Variants in MYRIP observed in about 807,000 individuals in gnomAD.
MYRIP encodes rab effector MyRIP.
MYRIP carries 49 observed loss-of-function variants against 98.0 expected under a neutral mutation model. That is an observed-to-expected ratio of 0.50 (90% CI 0.40 to 0.63). The LOEUF is 0.63. Among genes scored for constraint, MYRIP ranks in the 30% least tolerant of loss-of-function variants. MYRIP has a pLI of 0.00. For synonymous variants in MYRIP, 404 were observed against 409.5 expected, an observed-to-expected ratio of 0.99 and a Z score of 0.16; for missense variants, 1,004 against 1,058.2, an observed-to-expected ratio of 0.95 and a Z score of 0.71.
chr3:40,233,007 C>T (rs1025567357), intron 11 of MYRIP: 1 of 152,250 alleles, frequency 6.6e-6, no homozygotes, highest in Non-Finnish European at 1.5e-5. Context: ...TGCCCCATCT[C>T]ACTTGGAGGT....
intron 2 of MYRIP, among the ~76,000 whole-genome samples, chr3:39,918,655 A>C (rs1299967346): frequency 6.6e-6 from 1 of 152,242 alleles, no homozygotes; most frequent in Non-Finnish European, 1.5e-5. Flanking sequence ...CAAATTTATT[A>C]ATGTGCATGA....
At chr3:39,986,453 T>C (rs997298473) in intron 2 of MYRIP, among the ~76,000 whole-genome samples, 5 of 135,242 alleles carry the variant, frequency 3.7e-5, no homozygotes, top group African/African-American at 1.7e-4. Flanking sequence ...CCTCTCTCTC[T>C]CCCTCTCTCT....
chr3:39,827,385 T>G (rs1399120230), intron 1 of MYRIP, among the ~76,000 whole-genome samples: 1 of 152,208 alleles, frequency 6.6e-6, no homozygotes, highest in African/African-American at 2.4e-5. Context: ...AATACTCAGT[T>G]TATAGGCGTG....
intron 2 of MYRIP, among the ~76,000 whole-genome samples, chr3:39,996,502 A>G (rs539266945): frequency 6.6e-6 from 1 of 152,334 alleles, no homozygotes; most frequent in East Asian, 1.9e-4. Flanking sequence ...ATATATATGC[A>G]CCCAATACAG....
chr3:39,966,682 C>A (rs964254499), intron 2 of MYRIP, among the ~76,000 whole-genome samples: 1 of 152,092 alleles, frequency 6.6e-6, no homozygotes, highest in Non-Finnish European at 1.5e-5. Flanking sequence ...AAGAGAATGC[C>A]GAGGACGGAG....
intron 12 of MYRIP, among the ~76,000 whole-genome samples, chr3:40,234,391 T>C (rs1445300581): frequency 6.6e-6 from 1 of 152,176 alleles, no homozygotes; most frequent in Non-Finnish European, 1.5e-5. Flanking sequence ...GAGTAGAAGT[T>C]GCATCTCAGA....
chr3:40,120,055 A>G (rs1949367639), intron 3 of MYRIP, among the ~76,000 whole-genome samples: 1 of 152,228 alleles, frequency 6.6e-6, no homozygotes, highest in African/African-American at 2.4e-5. Flanking sequence ...GAGGACTAAA[A>G]GGACCCAGCT....
At chr3:40,178,023 C>A (rs1430222951) in intron 8 of MYRIP, among the ~76,000 whole-genome samples, 2 of 152,142 alleles carry the variant, frequency 1.3e-5, no homozygotes, top group Non-Finnish European at 2.9e-5. Context: ...TTACATCTGA[C>A]CCTAAAAACA....
At chr3:40,080,738 A>G (rs1396844005) in intron 3 of MYRIP, among the ~76,000 whole-genome samples, 1 of 144,130 alleles carries the variant, frequency 6.9e-6, no homozygotes, top group Non-Finnish European at 1.5e-5. Flanking sequence ...CAAAAAACCA[A>G]TTTCTGACTT....
At chr3:40,210,492 C>T (rs979662117) in intron 11 of MYRIP, among the ~76,000 whole-genome samples, 1 of 152,152 alleles carries the variant, frequency 6.6e-6, no homozygotes, top group Non-Finnish European at 1.5e-5. Flanking sequence ...TAGCCAACCC[C>T]TCTTTTAATC....
At chr3:39,841,707 C>T (rs1160242297) in intron 1 of MYRIP, among the ~76,000 whole-genome samples, 2 of 152,178 alleles carry the variant, frequency 1.3e-5, no homozygotes, top group Non-Finnish European at 2.9e-5. Flanking sequence ...TTCTAATAGG[C>T]AGGTCCCTCT....
chr3:40,035,368 T>C (rs1398537822), intron 2 of MYRIP, among the ~76,000 whole-genome samples: 1 of 152,006 alleles, frequency 6.6e-6, no homozygotes, highest in Non-Finnish European at 1.5e-5. Flanking sequence ...TGTGAAGCTG[T>C]TCTAGAATTG....
At chr3:40,255,138 G>T (rs7613342) in intron 16 of MYRIP, among the ~76,000 whole-genome samples, 7,792 of 152,214 alleles carry the variant, frequency 0.051, 224 homozygotes, top group African/African-American at 0.066. Flanking sequence ...CTGACCATTA[G>T]TTCACAGAGC....
intron 2 of MYRIP, among the ~76,000 whole-genome samples, chr3:39,915,270 A>G (rs1944126682): frequency 6.6e-6 from 1 of 152,004 alleles, no homozygotes; most frequent in African/African-American, 2.4e-5. Context: ...ATAAAACTCA[A>G]TTGACAAAAT....
At chr3:40,090,026 G>A (rs754488545) in intron 3 of MYRIP, among the ~76,000 whole-genome samples, 11 of 151,456 alleles carry the variant, frequency 7.3e-5, no homozygotes, top group Non-Finnish European at 8.8e-5. Context: ...TCTCTTATGA[G>A]TTATTGTATC....
chr3:40,075,343 C>T (rs1948321494), intron 3 of MYRIP, among the ~76,000 whole-genome samples: 1 of 152,160 alleles, frequency 6.6e-6, no homozygotes, highest in Non-Finnish European at 1.5e-5. Flanking sequence ...AAACTGGAAA[C>T]TATATAAATG....
intron 2 of MYRIP, among the ~76,000 whole-genome samples, chr3:39,982,992 G>A (rs1032577602): frequency 6.6e-6 from 1 of 152,160 alleles, no homozygotes; most frequent in East Asian, 1.9e-4. Context: ...TAGTAGGTGG[G>A]TATTAAGTGT....
intron 2 of MYRIP, among the ~76,000 whole-genome samples, chr3:39,958,456 T>C (rs1320480534): frequency 2.0e-5 from 3 of 152,170 alleles, no homozygotes; most frequent in Non-Finnish European, 4.4e-5. Flanking sequence ...TAAATGGTGC[T>C]GGGAAAACTG....
intron 3 of MYRIP, among the ~76,000 whole-genome samples, chr3:40,097,466 AG>A (rs1209085036): frequency 2.0e-5 from 3 of 151,974 alleles, no homozygotes; most frequent in African/African-American, 7.3e-5. Context: ...CAATTTTGGT[AG>A]GAAAAAAAAA....
Sources: gnomAD v4.1 joint callset for allele counts (sites outside exome capture counted in the v4.1 genomes callset) on GRCh38, gnomAD v4.1.1 for gene constraint, MANE v1.5 for transcripts, NCBI Gene and HGNC (gene_info 2026-07-23, HGNC 2026-07-21) for gene names.